The following CHD6 variants were observed in gnomAD, a reference collection of about 807,000 sequenced individuals.
CHD6 encodes the protein ATP-dependent chromatin remodeler CHD6.
CHD6 carries 50 observed loss-of-function variants against 276.9 expected under a neutral mutation model. That is an observed-to-expected ratio of 0.18 (90% CI 0.14 to 0.23). The LOEUF is 0.23. CHD6 is among the 10% of genes least tolerant of loss of function. CHD6 has a pLI of 1.00. For missense variants in CHD6, 2,564 were observed against 3,365.8 expected (o/e 0.76, Z 5.89); for synonymous variants, 1,173 against 1,229.3 (o/e 0.95, Z 0.96).
In CHD6 at chr20:41,547,789, G is replaced by C. The variant is rs1410544386; in HGVS notation, c.33+3516C>G. 6 of 522,172 alleles carry C rather than the reference G, an allele frequency of 1.1e-5. No individual in the cohort carries two copies. The East Asian group carries it at 3.1e-4, about 27-fold the overall frequency. 32.3% of individuals were successfully genotyped at this position (522,172 alleles called of 1,614,324 possible). ...CAGATGCAGCACCAATCTTTAGCCA[G>C]AGAACTCTCTGGAACTATTAAAGAG... On this transcript the variant is annotated intron_variant, in intron 2 of 36. Coordinates refer to ENST00000373233, the MANE Select transcript of CHD6 (RefSeq NM_032221.5).
At chr20:41,485,772 G>C (rs1325628035) in intron 14 of CHD6, 1 of 152,088 alleles carries the variant, frequency 6.6e-6, no homozygotes, top group Non-Finnish European at 1.5e-5. Flanking sequence ...GAGATCTACT[G>C]AACAACATGG....
chr20:41,480,613 G>A (rs2043272095), intron 16 of CHD6, among the ~76,000 whole-genome samples: 1 of 152,096 alleles, frequency 6.6e-6, no homozygotes, highest in Non-Finnish European at 1.5e-5. Flanking sequence ...GTGAAAGAAG[G>A]CTAAACATTC....
intron 1 of CHD6, among the ~76,000 whole-genome samples, chr20:41,594,041 T>C (rs1044396175): frequency 6.6e-6 from 1 of 151,808 alleles, no homozygotes; most frequent in Non-Finnish European, 1.5e-5. Flanking sequence ...TACTTCTAAA[T>C]CTACCCTTAT....
At position 41,420,389 on chromosome 20, in the gene CHD6, G is replaced by A. The variant is rs937194641; in HGVS notation, c.6127+119C>T. 9 of 1,096,336 alleles carry A rather than the reference G, an allele frequency of 8.2e-6. No individual in the cohort carries two copies. In the African/African-American group the frequency reaches 1.4e-4, roughly 17 times the overall value. The allele number at this position is 1,096,336 out of a possible 1,614,324, so 67.9% of individuals were successfully genotyped here. A position where few individuals can be genotyped will look rare whatever the true frequency, so the allele number is the denominator to read the frequency against. Reference sequence around the variant, plus strand: ...TCCAAGGCCTATGACCTTTGGTGAGGGTAGGCAGGTCTGTTTCAGAAGCTG... The same window carrying A: ...TCCAAGGCCTATGACCTTTGGTGAGAGTAGGCAGGTCTGTTTCAGAAGCTG... On this transcript the variant is annotated intron_variant, in intron 31 of 36. Coordinates refer to ENST00000373233, the MANE Select transcript of CHD6 (RefSeq NM_032221.5).
rs1218685070 is a variant in CHD6 at position 41,423,671 on chromosome 20, T to C, written c.4376A>G (p.Tyr1459Cys). 7.0e-5 allele frequency: 113 copies of C among 1,614,218 alleles called. No individual in the cohort carries two copies. Among genetic ancestry groups the C allele is most frequent in the Non-Finnish European group, 8.6e-5 (101 of 1,180,026 alleles). ...AACACCAAAGGAAGACACTGTTCTA[T>C]AGAAGTCTGCTTGTTCTCTCCTAGT... ...RWTRREQADF[Y>C]RTVSSFGVVY... The change falls in exon 30 of 37, where the codon TAT becomes TGT. Residue 1459 changes from tyrosine (Y) to cysteine (C), a missense_variant. Around this residue, in one of 7 missense-constraint regions of CHD6, gnomAD observed 515 missense variants for 739.5 expected, o/e 0.70. Transcript: ENST00000373233.
Position 41,434,315 on chromosome 20 carries a change from C to T in CHD6, c.4068+2959G>A, listed in dbSNP as rs185844612. Among the ~76,000 whole-genome samples the T allele has an allele frequency of 4.7e-3, 719 of 152,300 alleles. 6 individuals carry two copies. Among genetic ancestry groups the T allele is most frequent in the African/African-American group, 0.017 (695 of 41,558 alleles). On this transcript the variant is annotated intron_variant, in intron 27 of 36. Transcript: ENST00000373233. ...TCAGAGCAAAGAAAATTATCAGAGT[C>T]AAGAGAAAGACATTATATAGTGATA... is the stretch of plus-strand genomic sequence containing the variant.
At chr20:41,581,624 C>T (rs1333943005) in intron 1 of CHD6, among the ~76,000 whole-genome samples, 3 of 151,014 alleles carry the variant, frequency 2.0e-5, no homozygotes, top group Non-Finnish European at 4.4e-5. Context: ...TGCAGTGAGC[C>T]GAGATCATGC....
chr20:41,447,431 T>C (rs1431354580), intron 24 of CHD6, among the ~76,000 whole-genome samples: 2 of 152,130 alleles, frequency 1.3e-5, no homozygotes, highest in East Asian at 3.8e-4. Flanking sequence ...AAACACTAAT[T>C]TGCAAAACTA....
intron 1 of CHD6, among the ~76,000 whole-genome samples, chr20:41,555,151 A>G (rs2146162631): frequency 7.8e-6 from 1 of 128,788 alleles, no homozygotes; most frequent in African/African-American, 3.1e-5. Flanking sequence ...CTGGCCGGGC[A>G]GAGGGGCTCC....
rs145199514 is a variant in CHD6, at chr20:41,443,860, T to C, written c.3877+1805A>G. On this transcript the variant is annotated intron_variant, in intron 25 of 36. Transcript: ENST00000373233. ...TTCAGTTCTGGCTTTAAATGACTTC[T>C]GCATTTGGGGACTTCCCTTATTTCT... 5.4e-4 allele frequency among the ~76,000 whole-genome samples: 82 copies of C among 152,354 alleles called. No individual in the cohort carries two copies. In the East Asian group the frequency reaches 0.013, roughly 24 times the overall value.
chr20:41,516,194 C>T (rs1303664587), intron 3 of CHD6, among the ~76,000 whole-genome samples: 7 of 151,754 alleles, frequency 4.6e-5, no homozygotes, highest in African/African-American at 1.7e-4. Context: ...GACGGAGTCT[C>T]GCGCTGTTGC....
intron 7 of CHD6, chr20:41,497,858 T>C (rs1466819453): frequency 4.6e-6 from 2 of 436,564 alleles, no homozygotes; most frequent in African/African-American, 4.0e-5. Context: ...AGAGTGGTTC[T>C]CTACCCTGGT....
chr20:41,512,956 T>G lies in CHD6; in HGVS notation c.742A>C (p.Asn248His). 1 of 1,614,106 alleles carries G rather than the reference T, an allele frequency of 6.2e-7. No individual in the cohort carries two copies. The highest frequency in any genetic ancestry group is 8.5e-7 in the Non-Finnish European group (1 of 1,179,956). ...SGRQVKRRKY[N>H]EDLDFKVVDD... Reference sequence around the variant, plus strand: ...ACCACTTTGAAGTCCAGGTCCTCATTGTATTTTCTGCGCTTTACTTGCCTT... The same window carrying G: ...ACCACTTTGAAGTCCAGGTCCTCATGGTATTTTCTGCGCTTTACTTGCCTT... Residue 248 changes from asparagine to histidine, a missense_variant, in exon 5 of 37, where the codon AAT becomes CAT. By Grantham distance (68) the Asn-to-His change is moderately conservative. Transcript: ENST00000373233.
At chr20:41,617,986 C>G (rs2045951570) in intron 1 of CHD6, among the ~76,000 whole-genome samples, 1 of 146,650 alleles carries the variant, frequency 6.8e-6, no homozygotes, top group Admixed American at 6.8e-5. Context: ...GCCCGCCAGG[C>G]CCGCGGCCGG....
At chr20:41,426,250 G>A in intron 27 of CHD6, 97 bp from the exon 28 acceptor site, 1 of 859,830 alleles carries the variant, frequency 1.2e-6, no homozygotes, top group Non-Finnish European at 2.0e-6. Context: ...TCACGCATAA[G>A]AGCTGTCCCC....
At chr20:41,551,066 T>A (rs557718335) in intron 2 of CHD6, among the ~76,000 whole-genome samples, 1 of 152,360 alleles carries the variant, frequency 6.6e-6, no homozygotes, top group South Asian at 2.1e-4. Flanking sequence ...CTTGGCTAAT[T>A]TGAATAATAT....
At chr20:41,412,347 C>G (rs1252250875) in intron 35 of CHD6, 84 bp from the exon 36 acceptor site, 65 of 1,498,966 alleles carry the variant, frequency 4.3e-5, no homozygotes, top group Non-Finnish European at 5.9e-5. Flanking sequence ...ACTGGTTTTG[C>G]TATTGTTCTC....
chr20:41,467,218 C>A (rs891169593), intron 17 of CHD6, among the ~76,000 whole-genome samples: 2 of 151,972 alleles, frequency 1.3e-5, no homozygotes, highest in South Asian at 2.1e-4. Context: ...GGATAAGTCC[C>A]ATCACATTTA....
At chr20:41,614,408 A>C (rs1368169471) in intron 1 of CHD6, among the ~76,000 whole-genome samples, 1 of 152,206 alleles carries the variant, frequency 6.6e-6, no homozygotes. Flanking sequence ...CATTATGACT[A>C]TAAAGAAAAA....
Sources: allele counts gnomAD v4.1 joint callset (sites outside exome capture counted in the v4.1 genomes callset), GRCh38; gene constraint gnomAD v4.1.1; regional missense constraint gnomAD v4.1.1; transcripts MANE v1.5; gene names NCBI Gene and HGNC (gene_info 2026-07-23, HGNC 2026-07-21).